Variants in SLC5A2 observed in about 807,000 individuals in gnomAD.
SLC5A2 encodes the protein solute carrier family 5 member 2.
SLC5A2 carries 67 observed loss-of-function variants against 69.0 expected under a neutral mutation model. That is an observed-to-expected ratio of 0.97 (90% confidence interval 0.80 to 1.19). The LOEUF (loss-of-function observed/expected upper bound fraction) is 1.19, where lower values mean the gene tolerates loss of function less well. SLC5A2 is among the 50% of genes most tolerant of loss of function. SLC5A2 has a pLI of 0.00. For missense variants in SLC5A2, 1,001 were observed against 921.5 expected (o/e 1.09, Z -1.12); for synonymous variants, 455 against 395.8 (o/e 1.15, Z -1.78).
At chr16:31,489,930 G>A (rs2082546049) in intron 12 of SLC5A2, 174 bp from the exon 13 acceptor site, 12 of 821,810 alleles carry the variant, frequency 1.5e-5, no homozygotes, top group Middle Eastern at 3.5e-4. Flanking sequence ...GGTTTATCCC[G>A]AGGGCACAGG....
chr16:31,489,070 A>T, intron 11 of SLC5A2, 22 bp downstream of exon 11: 1 of 1,602,480 alleles, frequency 6.2e-7, no homozygotes, highest in Non-Finnish European at 8.5e-7. Context: ...GCGCGTGGTG[A>T]CGGCAGGGCT....
chr16:31,486,126 G>T (rs1408928643), intron 4 of SLC5A2, 44 bp from the exon 5 acceptor site: 1 of 1,469,706 alleles, frequency 6.8e-7, no homozygotes, highest in Non-Finnish European at 9.5e-7. Flanking sequence ...GTGGGCTGGG[G>T]ACACTGCCCT....
At chr16:31,485,618 C>T in intron 3 of SLC5A2, 111 bp from the exon 4 acceptor site, 1 of 1,374,842 alleles carries the variant, frequency 7.3e-7, no homozygotes, top group South Asian at 1.2e-5. Flanking sequence ...CTCTGGGCCC[C>T]AGATGTGGCC....
At chr16:31,485,914 C>A (rs766196995) in intron 4 of SLC5A2, 21 bp downstream of exon 4, 3 of 1,612,788 alleles carry the variant, frequency 1.9e-6, no homozygotes, top group Non-Finnish European at 1.7e-6. Context: ...GTGGCAGATG[C>A]GATTGGGCCC....
At chr16:31,487,976 C>G in intron 7 of SLC5A2, 62 bp from the exon 8 acceptor site, 1 of 1,600,250 alleles carries the variant, frequency 6.2e-7, no homozygotes, top group Non-Finnish European at 8.5e-7. Flanking sequence ...CAGAGCGGAA[C>G]GGGGCGCGGG....
At chr16:31,486,923 G>A (rs1381422303) in intron 5 of SLC5A2, among the ~76,000 whole-genome samples, 1 of 152,226 alleles carries the variant, frequency 6.6e-6, no homozygotes, top group African/African-American at 2.4e-5. Context: ...GCCCGCCCCT[G>A]TAATCCCAGC....
chr16:31,488,893 T>G lies in SLC5A2; in HGVS notation c.1294T>G (p.Phe432Val), dbSNP rs1042475080. Reference protein sequence around the residue: ...LLLVGRLWVVFIVVVSVAWLP... With the variant: ...LLLVGRLWVVVIVVVSVAWLP... ...CCTCCGCCGCAGGCTCTGGGTGGTGTTCATCGTGGTAGTGTCGGTGGCCTG... is the reference window on the plus strand; with the variant it reads ...CCTCCGCCGCAGGCTCTGGGTGGTGGTCATCGTGGTAGTGTCGGTGGCCTG... The change falls in exon 11 of 14, where the codon TTC becomes GTC. Residue 432 changes from phenylalanine (F) to valine (V), a missense_variant. Coordinates refer to ENST00000330498, the MANE Select transcript of SLC5A2 (RefSeq NM_003041.4). 4 of 1,605,448 alleles carry G rather than the reference T, an allele frequency of 2.5e-6. No individual in the cohort carries two copies. The highest frequency in any genetic ancestry group is 1.3e-5 in the African/African-American group (1 of 75,028).
intron 12 of SLC5A2, 45 bp from the exon 13 acceptor site, chr16:31,490,059 G>T (rs1268728087): frequency 5.0e-6 from 8 of 1,611,226 alleles, no homozygotes; most frequent in Middle Eastern, 2.0e-4. Flanking sequence ...GGCCAGGCAT[G>T]GGGGGACAGA....
chr16:31,490,385 C>A lies in SLC5A2; in HGVS notation c.1869C>A (p.Gly623=). Residue 623 remains glycine (G), a synonymous_variant, in exon 14 of 14, where the codon GGC becomes GGA. Transcript: ENST00000330498. ...GTGGAATGAGCAGAGGTGGGGTGGGCAGTCCTCCGCCCCTTACCCAGGAGG... is the reference window on the plus strand; with the variant it reads ...GTGGAATGAGCAGAGGTGGGGTGGGAAGTCCTCCGCCCCTTACCCAGGAGG... ...WFCGMSRGGV[G]SPPPLTQEEA... 1 of 1,613,144 alleles carries A rather than the reference C, an allele frequency of 6.2e-7. No homozygotes were observed. Among genetic ancestry groups the A allele is most frequent in the African/African-American group, 1.3e-5 (1 of 75,056 alleles).
intron 4 of SLC5A2, 135 bp downstream of exon 4, chr16:31,486,028 GA>G: frequency 8.3e-7 from 1 of 1,210,910 alleles, no homozygotes; most frequent in Non-Finnish European, 1.2e-6. Flanking sequence ...AGCCTGCAAT[GA>G]ATGTCTCCGG....
chr16:31,490,182 T>A lies in SLC5A2; in HGVS notation c.1744T>A (p.Ser582Thr). 6.2e-7 allele frequency: 1 copy of A among 1,614,164 alleles called. No homozygotes were observed. The highest frequency in any genetic ancestry group is 8.5e-7 in the Non-Finnish European group (1 of 1,180,020). Residue 582 changes from serine to threonine, a missense_variant, in exon 13 of 14, where the codon TCA becomes ACA. Ser to Thr is a moderately conservative substitution (Grantham distance 58). Transcript: ENST00000330498. ...DLDADEQQGS[S>T]LPVQNGCPES... ...GGATGCTGATGAGCAGCAAGGCTCC[T>A]CACTCCCTGTACAGAATGGGTGCCC...
rs770083402 is a variant in SLC5A2, at chr16:31,487,693, T to G, written c.819T>G (p.Asp273Glu). 2 of 1,613,372 alleles carry G rather than the reference T, an allele frequency of 1.2e-6. No individual in the cohort carries two copies. Among genetic ancestry groups the G allele is most frequent in the African/African-American group, 2.7e-5 (2 of 74,946 alleles). Residue 273 changes from aspartate to glutamate, a missense_variant, in exon 7 of 14, where the codon GAT becomes GAG. Asp to Glu is a conservative substitution (Grantham distance 45). Transcript: ENST00000330498. ...TGCTCCGGCACCCCGTGACCGGGGA[T>G]CTGCCGTGGCCCGCGCTGCTCCTCG... is the stretch of plus-strand genomic sequence containing the variant. ...YHLLRHPVTGDLPWPALLLGL... is the reference protein window; with the variant it reads ...YHLLRHPVTGELPWPALLLGL...
rs778169565 is a variant in SLC5A2, at chr16:31,488,928, G to C, written c.1329G>C (p.Val443=). The C allele has an allele frequency of 6.2e-7, 1 of 1,604,696 alleles. No individual in the cohort carries two copies. The highest frequency in any genetic ancestry group is 1.7e-5 in the Admixed American group (1 of 60,008). Residue 443 remains valine, a synonymous_variant, in exon 11 of 14, where the codon GTG becomes GTC. Coordinates refer to ENST00000330498, the MANE Select transcript of SLC5A2 (RefSeq NM_003041.4). ...TAGTGTCGGTGGCCTGGCTTCCCGT[G>C]GTGCAGGCGGCACAGGGCGGGCAGC... The part of the protein sequence containing the change: ...IVVVSVAWLP[V]VQAAQGGQLF...
At position 31,487,524 on chromosome 16, in the gene SLC5A2, C is replaced by T. The variant is rs1161122038; in HGVS notation, c.656-6C>T. ...AGGAGGGTCCCCTGACGGCCTTGCCCGGCAGCCTTCCACGAGGTGGGCGGG... is the reference window on the plus strand; with the variant it reads ...AGGAGGGTCCCCTGACGGCCTTGCCTGGCAGCCTTCCACGAGGTGGGCGGG... On this transcript the variant is annotated splice_polypyrimidine_tract_variant and splice_region_variant and intron_variant, in intron 6 of 13. Transcript: ENST00000330498. 1.9e-6 allele frequency: 3 copies of T among 1,613,684 alleles called. No homozygotes were observed. The highest frequency in any genetic ancestry group is 1.7e-6 in the Non-Finnish European group (2 of 1,179,920).
rs750695233 is a variant in SLC5A2 at position 31,488,385 on chromosome 16, G to A, written c.1024G>A (p.Glu342Lys). 3 of 1,611,282 alleles carry A rather than the reference G, an allele frequency of 1.9e-6. No homozygotes were observed. Among genetic ancestry groups the A allele is most frequent in the Non-Finnish European group, 2.5e-6 (3 of 1,179,814 alleles). The change falls in exon 9 of 14, where the codon GAG becomes AAG. Residue 342 changes from glutamate (E) to lysine (K), a missense_variant and splice_region_variant. Transcript: ENST00000330498. The stretch of plus-strand genomic sequence containing the variant: ...GCGCGGTGGCCTCTCTCTGGCAGAC[G>A]AGGTGGCGTGCGTGGTGCCTGAGGT... Reference protein sequence around the residue: ...GMISRILYPDEVACVVPEVCR... With the variant: ...GMISRILYPDKVACVVPEVCR...
chr16:31,487,878 C>G, intron 7 of SLC5A2, 119 bp downstream of exon 7: 1 of 1,405,096 alleles, frequency 7.1e-7, no homozygotes, highest in South Asian at 1.3e-5. Flanking sequence ...GCGGGAACCC[C>G]TCGGGTTGGT....
At chr16:31,485,518 G>T in intron 3 of SLC5A2, 2 of 612,066 alleles carry the variant, frequency 3.3e-6, no homozygotes. Flanking sequence ...ATAGCCTGGG[G>T]AGACAAGGAG....
In SLC5A2 at chr16:31,488,061, C is replaced by A; in HGVS notation, c.909C>A (p.Ala303=). ...SDQVIVQRCL[A]GKSLTHIKAG... Reference sequence around the variant, plus strand: ...AGGTCATCGTGCAGCGCTGCCTGGCCGGGAAGAGCCTGACCCACATCAAGG... The same window carrying A: ...AGGTCATCGTGCAGCGCTGCCTGGCAGGGAAGAGCCTGACCCACATCAAGG... The change falls in exon 8 of 14, where the codon GCC becomes GCA. Residue 303 remains alanine, a synonymous_variant. Transcript: ENST00000330498. 2 of 1,613,872 alleles carry A rather than the reference C, an allele frequency of 1.2e-6. No homozygotes were observed. Among genetic ancestry groups the A allele is most frequent in the Non-Finnish European group, 1.7e-6 (2 of 1,179,942 alleles).
At chr16:31,487,843 A>G in intron 7 of SLC5A2, 84 bp downstream of exon 7, 2 of 1,458,818 alleles carry the variant, frequency 1.4e-6, no homozygotes, top group Non-Finnish European at 1.9e-6. Context: ...CCTTCCCCAC[A>G]ACGGTCTAAG....
Sources: gnomAD v4.1 joint callset for allele counts (sites outside exome capture counted in the v4.1 genomes callset) on GRCh38, gnomAD v4.1.1 for gene constraint, MANE v1.5 for transcripts, NCBI Gene and HGNC (gene_info 2026-07-23, HGNC 2026-07-21) for gene names.